Variants in DAB1 observed in about 807,000 individuals in gnomAD.
The protein encoded by DAB1 is disabled homolog 1.
DAB1 carries 15 observed loss-of-function variants against 64.6 expected under a neutral mutation model. The observed-to-expected ratio is 0.23, with a 90% CI of 0.16 to 0.36. The LOEUF (loss-of-function observed/expected upper bound fraction) is 0.36. Among genes scored for constraint, DAB1 ranks in the 10% least tolerant of loss-of-function variants. The pLI, the probability that DAB1 is intolerant of heterozygous loss-of-function variation, is 1.00. For missense variants in DAB1, 596 were observed against 706.7 expected, an observed-to-expected ratio of 0.84 and a Z score of 1.78; for synonymous variants, 235 against 251.9, an observed-to-expected ratio of 0.93 and a Z score of 0.64.
intron 1 of DAB1, among the ~76,000 whole-genome samples, chr1:57,831,667 T>C (rs1039341005): frequency 2.0e-5 from 3 of 151,360 alleles, no homozygotes; most frequent in African/African-American, 7.3e-5. Context: ...CTCAGCTTCC[T>C]GTATATCTTG....
chr1:57,250,347 G>GT (rs1451617718), intron 2 of DAB1, among the ~76,000 whole-genome samples: 1 of 152,120 alleles, frequency 6.6e-6, no homozygotes, highest in Non-Finnish European at 1.5e-5. Flanking sequence ...CAATATCTTT[G>GT]TATGTATTCA....
At chr1:57,434,362 A>G (rs1399961293) in intron 7 of DAB1, among the ~76,000 whole-genome samples, 1 of 152,188 alleles carries the variant, frequency 6.6e-6, no homozygotes, top group Non-Finnish European at 1.5e-5. Context: ...AAACATTTTG[A>G]GTGAAAAAAG....
At chr1:58,017,598 G>A (rs1327427915) in intron 5 of DAB1, among the ~76,000 whole-genome samples, 1 of 152,184 alleles carries the variant, frequency 6.6e-6, no homozygotes, top group Non-Finnish European at 1.5e-5. Context: ...AAATTCTGCT[G>A]CCACCTTGGG....
intron 4 of DAB1, among the ~76,000 whole-genome samples, chr1:58,287,368 A>T (rs1473619063): frequency 2.0e-5 from 3 of 152,158 alleles, no homozygotes; most frequent in Non-Finnish European, 2.9e-5. Context: ...TTTCGATTAT[A>T]TCTCACAGTT....
chr1:58,506,684 A>G (rs1645995444), intron 2 of DAB1, among the ~76,000 whole-genome samples: 2 of 152,220 alleles, frequency 1.3e-5, no homozygotes. Flanking sequence ...CTGTTTTCAT[A>G]AAGTTTTAAA....
intron 2 of DAB1, among the ~76,000 whole-genome samples, chr1:57,268,800 G>A (rs1162080431): frequency 6.6e-6 from 1 of 152,210 alleles, no homozygotes; most frequent in African/African-American, 2.4e-5. Flanking sequence ...CAGATGATCT[G>A]TCAAGGGCCA....
chr1:58,207,393 T>A lies in DAB1; in HGVS notation n.310-56805A>T, dbSNP rs561040325. On this transcript the variant is annotated intron_variant and non_coding_transcript_variant, in intron 4 of 20. Coordinates refer to the DAB1 transcript ENST00000485760. ...AAGAGAAAGTTCCCTAGGTGATGCA[T>A]GCCCATTAATCCCACTTCTCCTACT... Among the ~76,000 whole-genome samples the A allele has an allele frequency of 2.6e-4, 39 of 152,334 alleles. 2 individuals carry two copies. The South Asian group carries it at 8.1e-3, about 32-fold the overall frequency.
In DAB1 at chr1:57,934,773, C is replaced by T. The variant is rs897853643; in HGVS notation, n.388-50611G>A. Among the ~76,000 whole-genome samples, 8 of 152,284 alleles carry T rather than the reference C, an allele frequency of 5.3e-5. 1 individual carries two copies. Among genetic ancestry groups the T allele is most frequent in the South Asian group, 2.1e-4 (1 of 4,824 alleles). ...ACTTCCTCACCGCGCAGTAGGGTTA[C>T]GCTGCGACAGTAGACATTGTGCCAT... On this transcript the variant is annotated intron_variant and non_coding_transcript_variant, in intron 5 of 20. Coordinates refer to the DAB1 transcript ENST00000485760.
intron 2 of DAB1, among the ~76,000 whole-genome samples, chr1:57,198,030 A>G (rs1664776484): frequency 6.6e-6 from 1 of 152,228 alleles, no homozygotes; most frequent in African/African-American, 2.4e-5. Flanking sequence ...AAATAATGAG[A>G]ATATATACAT....
At chr1:57,032,558 T>C (rs1228085762) in intron 9 of DAB1, among the ~76,000 whole-genome samples, 1 of 152,196 alleles carries the variant, frequency 6.6e-6, no homozygotes, top group Non-Finnish European at 1.5e-5. Context: ...ATTTGTACCC[T>C]ATTCCATTGC....
intron 6 of DAB1, among the ~76,000 whole-genome samples, chr1:57,732,773 G>A (rs549865963): frequency 6.6e-5 from 10 of 152,110 alleles, no homozygotes; most frequent in African/African-American, 1.9e-4. Context: ...ATGGTGCGTC[G>A]AACAGGAGAG....
rs771778950 is a variant in DAB1, at chr1:57,238,893, A to ACACACC, written c.67+52070_67+52071insGGTGTG. On this transcript the variant is annotated intron_variant, in intron 2 of 14. Transcript: ENST00000371236. ...CACACACACACACACACACACACAC[A>ACACACC]CCCCTAACTTGAAATGGTTTTCTTA... Among the ~76,000 whole-genome samples the ACACACC allele has an allele frequency of 5.4e-5, 8 of 148,000 alleles. No individual in the cohort carries two copies. The South Asian group carries it at 8.6e-4, about 16-fold the overall frequency.
chr1:57,651,391 C>T (rs1292826890), intron 6 of DAB1, among the ~76,000 whole-genome samples: 3 of 151,932 alleles, frequency 2.0e-5, no homozygotes, highest in Non-Finnish European at 4.4e-5. Flanking sequence ...AATGAATGGT[C>T]GACTCCCTGT....
chr1:57,048,349 A>T (rs1021771598), intron 9 of DAB1, among the ~76,000 whole-genome samples: 35 of 152,210 alleles, frequency 2.3e-4, no homozygotes, highest in Admixed American at 2.3e-3. Context: ...CATCTTGTTG[A>T]CTGGTCACTA....
At chr1:57,547,307 AT>A (rs5774355) in intron 7 of DAB1, among the ~76,000 whole-genome samples, 137,755 of 152,148 alleles carry the variant, frequency 0.91, 63,938 homozygotes, top group East Asian at 1. Flanking sequence ...ATCTGGGTTA[AT>A]TTTTTTTAAG....
chr1:57,883,177 T>C (rs1271483555), intron 1 of DAB1, among the ~76,000 whole-genome samples: 4 of 152,170 alleles, frequency 2.6e-5, no homozygotes, highest in African/African-American at 9.7e-5. Context: ...TACCAACCCC[T>C]CTTCTATTTT....
At chr1:57,009,381 CAT>C (rs892866849) in intron 14 of DAB1, among the ~76,000 whole-genome samples, 1 of 152,210 alleles carries the variant, frequency 6.6e-6, no homozygotes. Context: ...CATGGCATGA[CAT>C]ATTATTATGT....
chr1:57,167,487 C>T (rs1013722320), intron 2 of DAB1, among the ~76,000 whole-genome samples: 1 of 152,158 alleles, frequency 6.6e-6, no homozygotes, highest in Non-Finnish European at 1.5e-5. Flanking sequence ...GGAGCATTCT[C>T]TTGTGGTGTG....
chr1:58,223,146 C>T (rs1251729398), intron 4 of DAB1, among the ~76,000 whole-genome samples: 1 of 152,214 alleles, frequency 6.6e-6, no homozygotes, highest in Non-Finnish European at 1.5e-5. Context: ...GGCTGGCACA[C>T]TCTCCATGTA....
Sources: gnomAD v4.1 joint callset for allele counts (sites outside exome capture counted in the v4.1 genomes callset) on GRCh38, gnomAD v4.1.1 for gene constraint, MANE v1.5 for transcripts, NCBI Gene and HGNC (gene_info 2026-07-23, HGNC 2026-07-21) for gene names.